HIP1: variants seen among roughly 807,000 people sequenced by gnomAD.
HIP1 encodes the protein huntingtin interacting protein 1.
Under a neutral mutation model 147.6 loss-of-function variants are expected in HIP1, and 65 were observed. That is an observed-to-expected ratio of 0.44 (90% confidence interval 0.36 to 0.54). The LOEUF (loss-of-function observed/expected upper bound fraction) is 0.54. Among genes scored for constraint, HIP1 ranks in the 20% least tolerant of loss-of-function variants. HIP1 has a pLI of 0.00. For missense variants in HIP1, 1,061 were observed against 1,299.6 expected (o/e 0.82, Z 2.82); for synonymous variants, 479 against 504.0 (o/e 0.95, Z 0.67).
intron 1 of HIP1, among the ~76,000 whole-genome samples, chr7:75,668,838 A>T (rs1799641897): frequency 6.6e-6 from 1 of 152,222 alleles, no homozygotes; most frequent in Admixed American, 6.5e-5. Flanking sequence ...CACCATTTTT[A>T]AAAAGGGTAT....
rs1795487952 is a variant in HIP1, at chr7:75,568,362, C to T, written c.746-106G>A. The T allele has an allele frequency of 1.3e-6, 1 of 789,176 alleles. No homozygotes were observed. The highest frequency in any genetic ancestry group is 2.3e-6 in the Non-Finnish European group (1 of 439,228). The allele number at this position is 789,176 out of a possible 1,614,324, so 48.9% of individuals were successfully genotyped here. ...GGCCCAGCTACCCTGGGGCATGTGG[C>T]CAGCACTGCCAGGGGCCACGACTGG... On this transcript the variant is annotated intron_variant, in intron 8 of 30. Coordinates refer to ENST00000336926, the MANE Select transcript of HIP1 (RefSeq NM_005338.7). This position sits in a 1 kb window ranked among gnomAD's most constrained non-coding sequence, Gnocchi z 4.1.
intron 5 of HIP1, among the ~76,000 whole-genome samples, chr7:75,583,754 ATTTG>A (rs1163556256): frequency 5.5e-4 from 46 of 83,702 alleles, no homozygotes; most frequent in African/African-American, 2.0e-3. Context: ...ATGCGGGCTA[ATTTG>A]TGTGTGTGTG....
rs140301645 is a variant in HIP1, at chr7:75,607,238, T to G, written c.121-7991A>C. Among the ~76,000 whole-genome samples, 412 of 148,516 alleles carry G rather than the reference T, an allele frequency of 2.8e-3. 16 individuals carry two copies. In the East Asian group the frequency reaches 0.046, roughly 17 times the overall value. ...AAAGAGTTGTTTTTTGTTTTGTTTT[T>G]TTTTTTTTTGAGACAGAGTCTTGCT... On this transcript the variant is annotated intron_variant, in intron 1 of 30. Coordinates refer to ENST00000336926, the MANE Select transcript of HIP1 (RefSeq NM_005338.7).
At chr7:75,684,828 A>C (rs1800204648) in intron 1 of HIP1, among the ~76,000 whole-genome samples, 1 of 152,162 alleles carries the variant, frequency 6.6e-6, no homozygotes, top group Non-Finnish European at 1.5e-5. Context: ...ATGGTGGCTC[A>C]CGCCTGTAAT....
At chr7:75,708,545 G>C (rs1373789532) in intron 1 of HIP1, among the ~76,000 whole-genome samples, 1 of 152,040 alleles carries the variant, frequency 6.6e-6, no homozygotes, top group Non-Finnish European at 1.5e-5. Context: ...TAAGATAAGT[G>C]TCCAAATTCA....
At chr7:75,698,638 C>G (rs1288025123) in intron 1 of HIP1, among the ~76,000 whole-genome samples, 1 of 151,954 alleles carries the variant, frequency 6.6e-6, no homozygotes, top group Non-Finnish European at 1.5e-5. Context: ...GGCAACATAG[C>G]AAGACCCCAA....
At chr7:75,563,694 T>C (rs1795310451) in intron 9 of HIP1, among the ~76,000 whole-genome samples, 3 of 152,214 alleles carry the variant, frequency 2.0e-5, no homozygotes, top group Admixed American at 6.5e-5. Flanking sequence ...TTACTTCTCT[T>C]TGTTTTTGGA....
rs376915346 is a variant in HIP1 at position 75,582,115 on chromosome 7, G to A, written c.502C>T (p.Arg168Cys). 2.6e-5 allele frequency: 42 copies of A among 1,613,892 alleles called. No homozygotes were observed. The African/African-American group carries it at 4.0e-4, about 15-fold the overall frequency. ...RFPGNLQMSD[R>C]QLDEAGESDV... ...CTTTCTCCAGCCTCGTCCAGCTGGC[G>A]GTCACTCATCTGCAGGTTGCCTGGG... The change falls in exon 6 of 31, where the codon CGC (arginine) becomes TGC (cysteine). Residue 168 changes from arginine (R) to cysteine (C), a missense_variant. Arg to Cys is a radical substitution (Grantham distance 180). Around this residue, in one of 3 missense-constraint regions of HIP1, gnomAD observed 225 missense variants for 292.9 expected, o/e 0.77. Coordinates refer to ENST00000336926, the MANE Select transcript of HIP1 (RefSeq NM_005338.7).
intron 1 of HIP1, among the ~76,000 whole-genome samples, chr7:75,684,961 G>C (rs1483484144): frequency 6.6e-6 from 1 of 151,954 alleles, no homozygotes; most frequent in Non-Finnish European, 1.5e-5. Flanking sequence ...CGTGGTGGTG[G>C]GTACCTGTAG....
At chr7:75,620,676 G>C (rs1563250588) in intron 1 of HIP1, among the ~76,000 whole-genome samples, 1 of 151,868 alleles carries the variant, frequency 6.6e-6, no homozygotes. Flanking sequence ...AAAGAGTGAG[G>C]CTCTGTCTCA....
At chr7:75,595,251 T>TCTTCCTTCCTTCCTTC (rs1554501696) in intron 2 of HIP1, among the ~76,000 whole-genome samples, 7 of 59,540 alleles carry the variant, frequency 1.2e-4, no homozygotes, top group African/African-American at 2.6e-4. Flanking sequence ...TTTCTTTCTT[T>TCTTCCTTCCTTCCTTC]CTTCCTTCCT....
At chr7:75,595,251 T>TCTTCCTTCCTTCCTTCCTTC (rs1554501696) in intron 2 of HIP1, among the ~76,000 whole-genome samples, 12 of 59,540 alleles carry the variant, frequency 2.0e-4, no homozygotes, top group African/African-American at 4.3e-4. Context: ...TTTCTTTCTT[T>TCTTCCTTCCTTCCTTCCTTC]CTTCCTTCCT....
At chr7:75,558,727 T>C (rs1420088710) in intron 14 of HIP1, among the ~76,000 whole-genome samples, 1 of 152,116 alleles carries the variant, frequency 6.6e-6, no homozygotes, top group East Asian at 1.9e-4. Context: ...TAGTTAAAAA[T>C]CAAGCCAGGG....
chr7:75,738,151 T>C (rs1471575067), intron 1 of HIP1, among the ~76,000 whole-genome samples: 1 of 152,188 alleles, frequency 6.6e-6, no homozygotes. Flanking sequence ...AGGGGCACCA[T>C]GGTCTCCACT....
chr7:75,622,849 TTATCTATCTATC>T (rs57401190), intron 1 of HIP1, among the ~76,000 whole-genome samples: 1,548 of 146,344 alleles, frequency 0.011, 16 homozygotes, highest in South Asian at 0.036. Context: ...AAATAAATAA[TTATCTATCTATC>T]TATCTATCTA....
At chr7:75,632,773 G>A (rs782734512) in intron 1 of HIP1, among the ~76,000 whole-genome samples, 4 of 152,050 alleles carry the variant, frequency 2.6e-5, no homozygotes, top group Non-Finnish European at 4.4e-5. Flanking sequence ...ACTGACCGTA[G>A]TAAAAAACAC....
intron 1 of HIP1, among the ~76,000 whole-genome samples, chr7:75,648,278 G>A (rs892533597): frequency 4.6e-5 from 7 of 152,036 alleles, no homozygotes; most frequent in Admixed American, 2.0e-4. Flanking sequence ...GCTGGTTGGA[G>A]TAGCTGGGGC....
intron 1 of HIP1, among the ~76,000 whole-genome samples, chr7:75,629,537 C>G (rs927658421): frequency 2.2e-5 from 3 of 138,984 alleles, no homozygotes; most frequent in Non-Finnish European, 4.6e-5. Flanking sequence ...TTGCGGCTCC[C>G]CCGCTTTTCT....
chr7:75,603,210 T>A (rs972242631), intron 1 of HIP1, among the ~76,000 whole-genome samples: 2 of 151,662 alleles, frequency 1.3e-5, no homozygotes, highest in South Asian at 4.2e-4. Context: ...TAGCTGGGTG[T>A]GGTGGTGTGT....
Sources: gnomAD v4.1 joint callset for allele counts (sites outside exome capture counted in the v4.1 genomes callset) on GRCh38, gnomAD v4.1.1 for gene constraint, gnomAD v4.1.1 regional missense constraint, Gnocchi (gnomAD v3.1) non-coding constraint, MANE v1.5 for transcripts, NCBI Gene and HGNC (gene_info 2026-07-23, HGNC 2026-07-21) for gene names.